TMEM232: variants seen among roughly 807,000 people sequenced by gnomAD.
TMEM232 encodes transmembrane protein 232.
A neutral mutation model predicts 78.8 loss-of-function variants in TMEM232; 80 were observed. The observed-to-expected ratio is 1.01, with a 90% confidence interval of 0.85 to 1.22. The LOEUF is 1.22. Among genes scored for constraint, TMEM232 ranks in the 50% most tolerant of loss-of-function variants. The pLI is 0.00. For missense variants in TMEM232, 881 were observed against 742.2 expected, an observed-to-expected ratio of 1.19 and a Z score of -2.17; for synonymous variants, 297 against 254.3, an observed-to-expected ratio of 1.17 and a Z score of -1.60.
At chr5:110,408,420 A>C (rs1490873767) in intron 2 of TMEM232, among the ~76,000 whole-genome samples, 1 of 151,964 alleles carries the variant, frequency 6.6e-6, no homozygotes, top group African/African-American at 2.4e-5. Flanking sequence ...GGTGAAACCC[A>C]GTCTTTACTA....
chr5:110,465,760 G>T lies in TMEM232; in HGVS notation c.1704-40844C>A, dbSNP rs564036170. ...GGTGTTACTAATGGCCAATAATAGA[G>T]AATTGGTAAAATGAGTTATTGCTCC... On this transcript the variant is annotated intron_variant, in intron 12 of 13. Coordinates refer to ENST00000455884, the MANE Select transcript of TMEM232 (RefSeq NM_001039763.4). 2.6e-5 allele frequency among the ~76,000 whole-genome samples: 4 copies of T among 152,202 alleles called. No homozygotes were observed. The East Asian group carries it at 7.7e-4, about 29-fold the overall frequency.
At chr5:110,526,792 A>T (rs937307961) in intron 12 of TMEM232, among the ~76,000 whole-genome samples, 4 of 151,968 alleles carry the variant, frequency 2.6e-5, no homozygotes, top group Non-Finnish European at 5.9e-5. Flanking sequence ...AAGAAATCTA[A>T]AACAACCCAA....
chr5:110,684,555 G>C (rs1301032033), intron 1 of TMEM232, among the ~76,000 whole-genome samples: 2 of 152,116 alleles, frequency 1.3e-5, no homozygotes, highest in Non-Finnish European at 2.9e-5. Flanking sequence ...AAACATGTTA[G>C]AGAAAGAGGT....
intron 12 of TMEM232, among the ~76,000 whole-genome samples, chr5:110,524,525 C>G (rs1770275514): frequency 6.6e-6 from 1 of 152,126 alleles, no homozygotes; most frequent in South Asian, 2.1e-4. Context: ...TGATATAATT[C>G]TATCTTTTTG....
intron 2 of TMEM232, among the ~76,000 whole-genome samples, chr5:110,661,308 C>G (rs1473718575): frequency 2.0e-5 from 3 of 152,060 alleles, no homozygotes; most frequent in Non-Finnish European, 4.4e-5. Context: ...GGACAGATAT[C>G]TCTTTTATTG....
intron 2 of TMEM232, among the ~76,000 whole-genome samples, chr5:110,399,228 A>C (rs895041468): frequency 2.6e-5 from 4 of 152,088 alleles, no homozygotes; most frequent in African/African-American, 9.7e-5. Flanking sequence ...ATAGCCATTA[A>C]TCCTGCTGTC....
intron 10 of TMEM232, among the ~76,000 whole-genome samples, chr5:110,601,938 C>A (rs1032602096): frequency 6.6e-6 from 1 of 152,048 alleles, no homozygotes; most frequent in Non-Finnish European, 1.5e-5. Flanking sequence ...GTACTGGTAC[C>A]AAAACAGATA....
At chr5:110,645,701 A>G (rs1045620202) in intron 2 of TMEM232, among the ~76,000 whole-genome samples, 4 of 151,658 alleles carry the variant, frequency 2.6e-5, no homozygotes, top group African/African-American at 9.7e-5. Flanking sequence ...CTTTCATCAC[A>G]GTACTGCAAG....
At chr5:110,582,793 C>T (rs1778358645) in intron 10 of TMEM232, among the ~76,000 whole-genome samples, 1 of 151,852 alleles carries the variant, frequency 6.6e-6, no homozygotes, top group Non-Finnish European at 1.5e-5. Context: ...GCGTTAAAAC[C>T]AATAAAGTAA....
chr5:110,480,714 T>C (rs938438892), intron 12 of TMEM232, among the ~76,000 whole-genome samples: 23 of 152,086 alleles, frequency 1.5e-4, no homozygotes, highest in Admixed American at 1.3e-3. Flanking sequence ...TTTTATACTA[T>C]AGGAATGAGA....
chr5:110,496,586 GAGAGA>G (rs1440029491), intron 12 of TMEM232, among the ~76,000 whole-genome samples: 1 of 151,954 alleles, frequency 6.6e-6, no homozygotes, highest in African/African-American at 2.4e-5. Flanking sequence ...AAGAATTTAT[GAGAGA>G]AGAGAGAACA....
intron 12 of TMEM232, among the ~76,000 whole-genome samples, chr5:110,516,393 C>CA: frequency 6.6e-6 from 1 of 152,162 alleles, no homozygotes; most frequent in Non-Finnish European, 1.5e-5. Flanking sequence ...TATGAGAAAC[C>CA]TCAGAAGTAA....
chr5:110,515,084 G>T (rs890947539), intron 12 of TMEM232, among the ~76,000 whole-genome samples: 3 of 152,176 alleles, frequency 2.0e-5, no homozygotes, highest in Admixed American at 2.0e-4. Flanking sequence ...TCAAATTTCT[G>T]AACTTATGGT....
chr5:110,598,345 C>G (rs1297374248), intron 10 of TMEM232, among the ~76,000 whole-genome samples: 2 of 151,962 alleles, frequency 1.3e-5, no homozygotes, highest in Non-Finnish European at 2.9e-5. Flanking sequence ...GGCAATCATT[C>G]AAAAGTCAGG....
chr5:110,423,142 G>A (rs554410743), intron 13 of TMEM232, among the ~76,000 whole-genome samples: 50 of 152,198 alleles, frequency 3.3e-4, no homozygotes, highest in African/African-American at 1.2e-3. Flanking sequence ...GTTATTTGTC[G>A]ATATTGCAGA....
At chr5:110,586,515 G>T (rs562261484) in intron 10 of TMEM232, among the ~76,000 whole-genome samples, 1 of 151,914 alleles carries the variant, frequency 6.6e-6, no homozygotes, top group South Asian at 2.1e-4. Flanking sequence ...CCCCATGAAA[G>T]TGCTACATTT....
At chr5:110,496,593 G>C (rs1018375364) in intron 12 of TMEM232, among the ~76,000 whole-genome samples, 8 of 151,942 alleles carry the variant, frequency 5.3e-5, no homozygotes, top group Non-Finnish European at 1.0e-4. Context: ...TATGAGAGAA[G>C]AGAGAACAGA....
intron 13 of TMEM232, among the ~76,000 whole-genome samples, chr5:110,423,542 CATCAAACAATTTGG>C (rs750542729): frequency 2.0e-5 from 3 of 152,138 alleles, no homozygotes; most frequent in Admixed American, 6.5e-5. Flanking sequence ...GCTAGCCGCA[CATCAAACAATTTGG>C]ATCTATAAGT....
At chr5:110,639,491 A>G (rs1338121922) in intron 4 of TMEM232, among the ~76,000 whole-genome samples, 1 of 152,168 alleles carries the variant, frequency 6.6e-6, no homozygotes, top group Non-Finnish European at 1.5e-5. Flanking sequence ...CATTTCTTTC[A>G]TCTTCTAGTT....
Sources: gnomAD v4.1 joint callset for allele counts (sites outside exome capture counted in the v4.1 genomes callset) on GRCh38, gnomAD v4.1.1 for gene constraint, MANE v1.5 for transcripts, NCBI Gene and HGNC (gene_info 2026-07-23, HGNC 2026-07-21) for gene names.